The following PDE4D variants were observed in gnomAD, a reference collection of about 807,000 sequenced individuals.
PDE4D encodes 3',5'-cyclic-AMP phosphodiesterase 4D.
A neutral mutation model predicts 87.4 loss-of-function variants in PDE4D; 24 were observed. The observed-to-expected ratio is 0.27, with a 90% CI of 0.20 to 0.39. PDE4D has a LOEUF of 0.39. PDE4D is among the 10% of genes least tolerant of loss of function. PDE4D has a pLI of 1.00. For synonymous variants in PDE4D, 384 were observed against 383.2 expected (o/e 1.00, Z -0.02); for missense variants, 714 against 1,041.0 (o/e 0.69, Z 4.32).
chr5:59,781,066 TG>T (rs1561651935), intron 1 of PDE4D, among the ~76,000 whole-genome samples: 1 of 149,454 alleles, frequency 6.7e-6, no homozygotes, highest in South Asian at 2.1e-4. Context: ...CTCAGGATGC[TG>T]AGGCAGGAGA....
intron 1 of PDE4D, among the ~76,000 whole-genome samples, chr5:60,514,969 CAA>C: frequency 6.6e-6 from 1 of 152,084 alleles, no homozygotes; most frequent in East Asian, 1.9e-4. Flanking sequence ...CCATTAACCA[CAA>C]AGTTTAGCAA....
At chr5:59,226,730 G>C (rs1158764815) in intron 1 of PDE4D, among the ~76,000 whole-genome samples, 1 of 152,096 alleles carries the variant, frequency 6.6e-6, no homozygotes, top group Non-Finnish European at 1.5e-5. Flanking sequence ...GACTCTTGAG[G>C]CAAAGCCTGC....
chr5:60,176,700 A>G (rs1041642322), intron 2 of PDE4D, among the ~76,000 whole-genome samples: 15 of 152,278 alleles, frequency 9.9e-5, no homozygotes, highest in Middle Eastern at 3.4e-3. Context: ...TTTAAAAGAA[A>G]AGGTGTTATT....
At chr5:59,537,972 T>A (rs1212704197) in intron 1 of PDE4D, among the ~76,000 whole-genome samples, 1 of 152,238 alleles carries the variant, frequency 6.6e-6, no homozygotes, top group African/African-American at 2.4e-5. Context: ...TGATTCCTAA[T>A]GAAAATGAGA....
chr5:60,160,759 C>A (rs1043443629), intron 2 of PDE4D: 5 of 443,212 alleles, frequency 1.1e-5, no homozygotes, highest in Non-Finnish European at 1.3e-5. Context: ...AGAAATACTT[C>A]TTCTCTCACC....
chr5:59,428,176 T>C (rs1795588668), intron 1 of PDE4D, among the ~76,000 whole-genome samples: 1 of 152,192 alleles, frequency 6.6e-6, no homozygotes, highest in Admixed American at 6.5e-5. Flanking sequence ...TTCCCTGTTT[T>C]CCAAGAAAAA....
intron 5 of PDE4D, 153 bp from the exon 6 acceptor site, chr5:59,039,124 G>A (rs977509619): frequency 4.4e-6 from 6 of 1,373,802 alleles, no homozygotes; most frequent in Non-Finnish European, 5.6e-6. Flanking sequence ...CAGCCCGGCA[G>A]TGCAACGGGG....
intron 1 of PDE4D, among the ~76,000 whole-genome samples, chr5:59,352,545 C>T (rs1780689998): frequency 6.6e-6 from 1 of 152,124 alleles, no homozygotes; most frequent in Non-Finnish European, 1.5e-5. Context: ...GATGTGCTAC[C>T]ACTCAGGTTT....
At chr5:59,411,515 C>T (rs368599210) in intron 1 of PDE4D, among the ~76,000 whole-genome samples, 6 of 152,250 alleles carry the variant, frequency 3.9e-5, no homozygotes, top group South Asian at 2.1e-4. Flanking sequence ...AGATCAAAGG[C>T]GTCAACAGGT....
chr5:59,739,703 T>C (rs573456866), intron 1 of PDE4D, among the ~76,000 whole-genome samples: 1 of 152,326 alleles, frequency 6.6e-6, no homozygotes, highest in African/African-American at 2.4e-5. Flanking sequence ...CAGAACACGA[T>C]GTCACCTTTA....
chr5:60,373,188 G>A (rs1308340250), intron 1 of PDE4D, among the ~76,000 whole-genome samples: 1 of 152,126 alleles, frequency 6.6e-6, no homozygotes, highest in Non-Finnish European at 1.5e-5. Context: ...GTTGGTTGTT[G>A]GTTTTTACTT....
intron 1 of PDE4D, among the ~76,000 whole-genome samples, chr5:59,890,282 C>CACAT (rs1750771099): frequency 6.8e-6 from 1 of 147,798 alleles, no homozygotes; most frequent in Non-Finnish European, 1.5e-5. Context: ...CACACACACA[C>CACAT]ACACACACAC....
chr5:60,427,759 T>C (rs756945684), intron 1 of PDE4D, among the ~76,000 whole-genome samples: 2 of 152,088 alleles, frequency 1.3e-5, no homozygotes, highest in Non-Finnish European at 2.9e-5. Flanking sequence ...ATAATGAATA[T>C]GACAATAACC....
chr5:60,167,301 G>T, intron 2 of PDE4D, among the ~76,000 whole-genome samples: 1 of 118,148 alleles, frequency 8.5e-6, no homozygotes, highest in Non-Finnish European at 1.6e-5. Context: ...ACGGAGTCTC[G>T]CTGTCGCCCA....
At chr5:60,289,295 T>G (rs758011385) in intron 1 of PDE4D, among the ~76,000 whole-genome samples, 10 of 152,142 alleles carry the variant, frequency 6.6e-5, no homozygotes, top group Admixed American at 6.6e-5. Flanking sequence ...AATAACAGAA[T>G]GCAAAGTCCA....
intron 5 of PDE4D, among the ~76,000 whole-genome samples, chr5:59,101,203 G>A (rs1300988034): frequency 2.6e-5 from 4 of 152,094 alleles, no homozygotes; most frequent in East Asian, 3.9e-4. Flanking sequence ...AGGGCCCGCC[G>A]TATCAGCATT....
At chr5:59,790,486 G>A (rs908990644) in intron 1 of PDE4D, among the ~76,000 whole-genome samples, 6 of 152,104 alleles carry the variant, frequency 3.9e-5, no homozygotes, top group African/African-American at 1.4e-4. Context: ...CTACAAAATC[G>A]CTGTAGACTG....
intron 2 of PDE4D, among the ~76,000 whole-genome samples, chr5:60,016,021 C>CTGTG (rs1463107253): frequency 6.8e-6 from 1 of 147,346 alleles, no homozygotes; most frequent in African/African-American, 2.5e-5. Flanking sequence ...TTCTCTCTCT[C>CTGTG]TCTCTGTGTG....
intron 1 of PDE4D, among the ~76,000 whole-genome samples, chr5:60,252,989 A>G (rs1217526528): frequency 6.6e-6 from 1 of 151,910 alleles, no homozygotes; most frequent in African/African-American, 2.4e-5. Flanking sequence ...TGGTGGAGGA[A>G]GTCAATGCTT....
Sources: allele counts gnomAD v4.1 joint callset (sites outside exome capture counted in the v4.1 genomes callset), GRCh38; gene constraint gnomAD v4.1.1; transcripts MANE v1.5; gene names NCBI Gene and HGNC (gene_info 2026-07-23, HGNC 2026-07-21).